LYPD6B: variants seen among roughly 807,000 people sequenced by gnomAD.
The protein encoded by LYPD6B is LY6/PLAUR domain containing 6B, also known as ly6/PLAUR domain-containing protein 6B.
In LYPD6B, 17 loss-of-function variants were observed where a neutral mutation model predicts 22.8. That is an observed-to-expected ratio of 0.75 (90% CI 0.51 to 1.12). The LOEUF is 1.12. Among genes scored for constraint, LYPD6B ranks in the 50% most tolerant of loss-of-function variants. The pLI is 0.00. For synonymous variants in LYPD6B, 106 were observed against 91.6 expected (o/e 1.16, Z -0.90); for missense variants, 221 against 258.3 (o/e 0.86, Z 0.99).
intron 3 of LYPD6B, among the ~76,000 whole-genome samples, chr2:149,173,007 T>C (rs1365042080): frequency 6.6e-6 from 1 of 151,974 alleles, no homozygotes; most frequent in Non-Finnish European, 1.5e-5. Flanking sequence ...TGCGCTTATA[T>C]ATATGTGTGT....
At chr2:149,202,472 C>T (rs1218250042) in intron 3 of LYPD6B, among the ~76,000 whole-genome samples, 1 of 152,120 alleles carries the variant, frequency 6.6e-6, no homozygotes, top group Non-Finnish European at 1.5e-5. Context: ...ATTTAATTTA[C>T]CTGTTCGAAT....
intron 1 of LYPD6B, among the ~76,000 whole-genome samples, chr2:149,073,606 G>T (rs966845997): frequency 1.3e-5 from 2 of 152,016 alleles, no homozygotes; most frequent in African/African-American, 4.8e-5. Flanking sequence ...GTGCTGCTGA[G>T]GCCCCCTTTT....
chr2:149,050,593 G>A (rs1683506422), intron 1 of LYPD6B, among the ~76,000 whole-genome samples: 2 of 152,158 alleles, frequency 1.3e-5, no homozygotes, highest in Admixed American at 1.3e-4. Context: ...CTACAGGAAA[G>A]TTAGAACAAA....
At chr2:149,183,857 G>A (rs186250852) in intron 3 of LYPD6B, among the ~76,000 whole-genome samples, 77 of 141,342 alleles carry the variant, frequency 5.4e-4, no homozygotes, top group African/African-American at 1.7e-3. Flanking sequence ...ATGTGTGTGT[G>A]TGTGTGTATA....
rs571182202 is a variant in LYPD6B at position 149,156,496 on chromosome 2, C to T, written c.6-4268C>T. Among the ~76,000 whole-genome samples the T allele has an allele frequency of 3.3e-5, 5 of 152,276 alleles. No individual in the cohort carries two copies. The South Asian group carries it at 1.0e-3, about 32-fold the overall frequency. ...TAAACAAGAGAAATTTGTTTTCTCA[C>T]ACTTCTGGAGGCTGGAAGTTCAAAA... On this transcript the variant is annotated intron_variant, in intron 2 of 6. Coordinates refer to ENST00000409642, the MANE Select transcript of LYPD6B (RefSeq NM_177964.5).
intron 3 of LYPD6B, among the ~76,000 whole-genome samples, chr2:149,183,437 A>G (rs879148276): frequency 6.8e-6 from 1 of 147,268 alleles, no homozygotes; most frequent in Admixed American, 6.9e-5. Flanking sequence ...TGTTTTTTTA[A>G]GAAAATAATT....
At chr2:149,171,458 A>G (rs1018316999) in intron 3 of LYPD6B, among the ~76,000 whole-genome samples, 1 of 151,268 alleles carries the variant, frequency 6.6e-6, no homozygotes, top group Admixed American at 6.6e-5. Context: ...TTCCCTTTCA[A>G]TTTTTATAAC....
intron 1 of LYPD6B, among the ~76,000 whole-genome samples, chr2:149,121,273 C>T (rs923468619): frequency 6.6e-6 from 1 of 152,116 alleles, no homozygotes; most frequent in African/African-American, 2.4e-5. Context: ...TTTTCTGAAG[C>T]TAAATTTTTT....
intron 3 of LYPD6B, chr2:149,188,689 A>G (rs1027191760): frequency 4.1e-6 from 4 of 982,448 alleles, no homozygotes; most frequent in Admixed American, 6.2e-5. Flanking sequence ...GTGACAGAGG[A>G]TATATTCCGT....
rs59628048 is a variant in LYPD6B at position 149,111,812 on chromosome 2, G to A, written c.-66-19071G>A. 3.0e-3 allele frequency among the ~76,000 whole-genome samples: 452 copies of A among 152,224 alleles called. 1 individual carries two copies. Among genetic ancestry groups the A allele is most frequent in the African/African-American group, 0.01 (429 of 41,532 alleles). On this transcript the variant is annotated intron_variant, in intron 1 of 6. Coordinates refer to ENST00000409642, the MANE Select transcript of LYPD6B (RefSeq NM_177964.5). ...GATTGGGGTTGTCCAACATTTAAAA[G>A]TCAGGAAGATGAGGAAGAGCCATTA... is the stretch of plus-strand genomic sequence containing the variant.
Position 149,130,793 on chromosome 2 carries a change from G to A in LYPD6B, c.-66-90G>A. 1.2e-5 allele frequency: 8 copies of A among 649,396 alleles called. 1 individual carries two copies. The highest frequency in any genetic ancestry group is 2.2e-5 in the Non-Finnish European group (8 of 366,302). The allele number at this position is 649,396 out of a possible 1,614,324, so 40.2% of individuals were successfully genotyped here. On this transcript the variant is annotated intron_variant, in intron 1 of 6. Transcript: ENST00000409642. ...AGGATCTCTTTATGATGTGTCCCCA[G>A]CCTAAAACCCCCTACTTACTTAAAA...
intron 3 of LYPD6B, among the ~76,000 whole-genome samples, chr2:149,189,865 A>G (rs953109281): frequency 3.9e-5 from 6 of 152,240 alleles, no homozygotes; most frequent in Non-Finnish European, 5.9e-5. Flanking sequence ...AAAGCCAAAC[A>G]AAAATGCTAT....
At chr2:149,091,257 A>G (rs1685635201) in intron 1 of LYPD6B, among the ~76,000 whole-genome samples, 1 of 151,812 alleles carries the variant, frequency 6.6e-6, no homozygotes, top group African/African-American at 2.4e-5. Context: ...AATGAAATGA[A>G]GGACTTTACT....
intron 1 of LYPD6B, among the ~76,000 whole-genome samples, chr2:149,062,089 G>A (rs1684110422): frequency 6.6e-6 from 1 of 151,950 alleles, no homozygotes; most frequent in African/African-American, 2.4e-5. Flanking sequence ...CCGGGTTCAA[G>A]CAATTCTCCT....
At chr2:149,075,904 G>C (rs1323568325) in intron 1 of LYPD6B, among the ~76,000 whole-genome samples, 1 of 152,218 alleles carries the variant, frequency 6.6e-6, no homozygotes, top group Admixed American at 6.5e-5. Context: ...TGGTGGATGA[G>C]TAAAAACATG....
At chr2:149,201,264 G>A (rs988279326) in intron 3 of LYPD6B, among the ~76,000 whole-genome samples, 2 of 152,094 alleles carry the variant, frequency 1.3e-5, no homozygotes, top group Admixed American at 6.6e-5. Flanking sequence ...ACCTGAAGAC[G>A]CTCATAGGTC....
chr2:149,040,626 GTGAT>G (rs1188562331), intron 1 of LYPD6B, among the ~76,000 whole-genome samples: 1 of 152,168 alleles, frequency 6.6e-6, no homozygotes, highest in Non-Finnish European at 1.5e-5. Flanking sequence ...ATGACCGACT[GTGAT>G]TGATAGACTG....
chr2:149,157,383 T>C (rs1030381918), intron 2 of LYPD6B, among the ~76,000 whole-genome samples: 2 of 152,214 alleles, frequency 1.3e-5, no homozygotes, highest in African/African-American at 4.8e-5. Flanking sequence ...GAGCTTTTGT[T>C]GTTTAAATGA....
intron 2 of LYPD6B, among the ~76,000 whole-genome samples, chr2:149,147,805 C>CAT (rs1689122718): frequency 6.6e-6 from 1 of 152,060 alleles, no homozygotes; most frequent in Non-Finnish European, 1.5e-5. Flanking sequence ...TGAGCCACTG[C>CAT]GCCCAGCCTT....
Sources: allele counts gnomAD v4.1 joint callset (sites outside exome capture counted in the v4.1 genomes callset), GRCh38; gene constraint gnomAD v4.1.1; transcripts MANE v1.5; gene names NCBI Gene and HGNC (gene_info 2026-07-23, HGNC 2026-07-21).